KALRN: variants seen among roughly 807,000 people sequenced by gnomAD.
The protein encoded by KALRN is kalirin.
Under a neutral mutation model 353.7 loss-of-function variants are expected in KALRN, and 70 were observed. The ratio of observed to expected loss-of-function variants is 0.20; its 90% CI spans 0.16 to 0.24. The LOEUF is 0.24. Ranked by LOEUF, KALRN falls within the 10% of genes least tolerant of loss-of-function variation. The probability of loss-of-function intolerance (pLI) is 1.00; values close to 1 mark genes in which losing one functional copy is unlikely to be tolerated. For missense variants in KALRN, 2,791 were observed against 3,756.7 expected (o/e 0.74, Z 6.72); for synonymous variants, 1,391 against 1,434.8 (o/e 0.97, Z 0.69).
In KALRN at chr3:124,269,060, C is replaced by T. The variant is rs562401797; in HGVS notation, c.774C>T (p.Ile258=). 3.2e-5 allele frequency: 52 copies of T among 1,612,556 alleles called. No individual in the cohort carries two copies. In the East Asian group the frequency reaches 1.0e-3, roughly 33 times the overall value. The change falls in exon 5 of 60, where the codon ATC becomes ATT. Residue 258 remains isoleucine (I), a synonymous_variant. Transcript: ENST00000682506. ...DREGQRLLQC[I]RCSDGFSGRN... is the part of the protein sequence containing the mutation. ...AGGGGCAGCGGCTGCTGCAGTGCAT[C>T]CGCTGCAGCGACGGCTTCTCAGGAC... is the stretch of plus-strand genomic sequence containing the variant.
intron 37 of KALRN, among the ~76,000 whole-genome samples, chr3:124,648,960 A>T (rs915355998): frequency 6.6e-6 from 1 of 152,218 alleles, no homozygotes; most frequent in Non-Finnish European, 1.5e-5. Flanking sequence ...GCTGCTCTGG[A>T]TATAACAACT....
At chr3:124,078,754 C>A (rs2060386921) in intron 1 of KALRN, among the ~76,000 whole-genome samples, 1 of 152,138 alleles carries the variant, frequency 6.6e-6, no homozygotes, top group Non-Finnish European at 1.5e-5. Context: ...GTTTTATTTG[C>A]ATTTACTCGC....
rs1212323354 is a variant in KALRN, at chr3:124,368,234, G to A, written c.1771-16611G>A. ...TCCCGGACAGCACGGCTGGCCAGGC[G>A]GGGGGCTGACCCCCCCACCTCCCTC... On this transcript the variant is annotated intron_variant, in intron 10 of 59. Coordinates refer to ENST00000682506, the MANE Select transcript of KALRN (RefSeq NM_001388419.1). 3.6e-4 allele frequency among the ~76,000 whole-genome samples: 51 copies of A among 143,362 alleles called. 4 individuals are homozygous for A. Among genetic ancestry groups the A allele is most frequent in the African/African-American group, 1.3e-3 (46 of 36,380 alleles). The allele number at this position is 143,362 out of a possible 152,430, so 94.1% of individuals were successfully genotyped here. A position where few individuals can be genotyped will look rare whatever the true frequency, so the allele number is the denominator to read the frequency against.
At position 124,667,202 on chromosome 3, in the gene KALRN, T is replaced by G; in HGVS notation, c.6703+19T>G. 11 of 1,609,660 alleles carry G rather than the reference T, an allele frequency of 6.8e-6. No individual in the cohort carries two copies. Among genetic ancestry groups the G allele is most frequent in the Non-Finnish European group, 9.3e-6 (11 of 1,177,092 alleles). ...TTGAATGGTGGGTGCTGGGCTTGGT[T>G]CCTTGCAGGGCTGTGTCAGGGGACT... On this transcript the variant is annotated intron_variant, in intron 47 of 59. Coordinates refer to ENST00000682506, the MANE Select transcript of KALRN (RefSeq NM_001388419.1).
rs1307566472 is a variant in KALRN, at chr3:124,482,785, G to A, written c.4192-23G>A. The A allele has an allele frequency of 3.3e-6, 5 of 1,526,756 alleles. No homozygotes were observed. The South Asian group carries it at 3.4e-5, about 10-fold the overall frequency. The allele number at this position is 1,526,756 out of a possible 1,614,324, so 94.6% of individuals were successfully genotyped here. On this transcript the variant is annotated intron_variant, in intron 27 of 59. Transcript: ENST00000682506. ...TGCACACACCCCTCTGTGTCTAATT[G>A]CACATTGTTCTCATCCCTGCAGGAG...
intron 1 of KALRN, among the ~76,000 whole-genome samples, chr3:124,101,877 C>G (rs952720574): frequency 6.6e-6 from 1 of 152,190 alleles, no homozygotes; most frequent in Non-Finnish European, 1.5e-5. Flanking sequence ...TGGATACCCA[C>G]TGTGGTCTGG....
At chr3:124,177,160 G>T (rs1208788684) in intron 1 of KALRN, among the ~76,000 whole-genome samples, 3 of 152,296 alleles carry the variant, frequency 2.0e-5, no homozygotes, top group Non-Finnish European at 4.4e-5. Context: ...TTTATTCTCT[G>T]TCCCTTCCTT....
At chr3:124,049,960 T>G (rs894196111) in intron 1 of KALRN, among the ~76,000 whole-genome samples, 13 of 152,248 alleles carry the variant, frequency 8.5e-5, no homozygotes, top group Non-Finnish European at 1.9e-4. Flanking sequence ...CTCTTTTGGA[T>G]GACTATTTCA....
At chr3:124,598,774 C>T (rs1393680542) in intron 34 of KALRN, among the ~76,000 whole-genome samples, 1 of 152,088 alleles carries the variant, frequency 6.6e-6, no homozygotes, top group Non-Finnish European at 1.5e-5. Flanking sequence ...CATCCCAGGC[C>T]CAAGCCATCC....
At chr3:124,045,100 T>C (rs1412572537) in intron 1 of KALRN, among the ~76,000 whole-genome samples, 1 of 151,844 alleles carries the variant, frequency 6.6e-6, no homozygotes, top group African/African-American at 2.4e-5. Flanking sequence ...GGGGGCACAA[T>C]ATTGAGTTGG....
intron 1 of KALRN, among the ~76,000 whole-genome samples, chr3:124,124,716 T>C (rs1488010785): frequency 6.6e-6 from 1 of 152,226 alleles, no homozygotes; most frequent in Non-Finnish European, 1.5e-5. Flanking sequence ...GCCATCCACA[T>C]TGAGGCAAGA....
intron 1 of KALRN, among the ~76,000 whole-genome samples, chr3:124,165,162 C>T (rs1291829840): frequency 6.6e-6 from 1 of 152,182 alleles, no homozygotes; most frequent in African/African-American, 2.4e-5. Context: ...AATTTGTCAT[C>T]ACTGCTTGAA....
At chr3:124,302,068 G>A (rs946325132) in intron 6 of KALRN, among the ~76,000 whole-genome samples, 1 of 152,050 alleles carries the variant, frequency 6.6e-6, no homozygotes, top group Non-Finnish European at 1.5e-5. Flanking sequence ...GACAGTTTCC[G>A]GAGATTCAGG....
chr3:124,423,658 T>A (rs1219508837), intron 15 of KALRN, among the ~76,000 whole-genome samples: 1 of 152,150 alleles, frequency 6.6e-6, no homozygotes, highest in Non-Finnish European at 1.5e-5. Flanking sequence ...AGAGAGTCAC[T>A]TGAGGCCAGC....
chr3:124,237,156 T>C (rs111841207), intron 3 of KALRN, among the ~76,000 whole-genome samples: 5 of 152,242 alleles, frequency 3.3e-5, no homozygotes, highest in African/African-American at 9.6e-5. Context: ...GGTCAGATTA[T>C]ATTTGCCACT....
intron 5 of KALRN, among the ~76,000 whole-genome samples, chr3:124,298,527 C>T (rs1190991906): frequency 6.6e-6 from 1 of 152,092 alleles, no homozygotes; most frequent in African/African-American, 2.4e-5. Flanking sequence ...TCCCATCTCC[C>T]AATTATCTCA....
intron 23 of KALRN, among the ~76,000 whole-genome samples, chr3:124,461,549 G>A (rs1561017487): frequency 6.6e-6 from 1 of 152,106 alleles, no homozygotes; most frequent in Non-Finnish European, 1.5e-5. Flanking sequence ...TGGTGAGACA[G>A]AATATGAACA....
intron 1 of KALRN, among the ~76,000 whole-genome samples, chr3:124,157,426 A>G (rs1485129255): frequency 1.3e-5 from 2 of 152,210 alleles, no homozygotes; most frequent in Non-Finnish European, 2.9e-5. Flanking sequence ...TGAAACACCA[A>G]TCACTGCCAG....
intron 1 of KALRN, among the ~76,000 whole-genome samples, chr3:124,216,777 A>C (rs920296214): frequency 1.3e-5 from 2 of 152,158 alleles, no homozygotes; most frequent in Admixed American, 6.5e-5. Context: ...ATCATGGCAA[A>C]TTTTCTAGCT....
Sources: gnomAD v4.1 joint callset for allele counts (sites outside exome capture counted in the v4.1 genomes callset) on GRCh38, gnomAD v4.1.1 for gene constraint, MANE v1.5 for transcripts, NCBI Gene and HGNC (gene_info 2026-07-23, HGNC 2026-07-21) for gene names.